Variants in STK38 observed in about 807,000 individuals in gnomAD.
STK38 encodes the protein serine/threonine-protein kinase 38.
In STK38, 26 loss-of-function variants were observed where a neutral mutation model predicts 59.0. That is an observed-to-expected ratio of 0.44 (90% CI 0.32 to 0.61). The LOEUF (loss-of-function observed/expected upper bound fraction) is 0.61, where lower values mean the gene tolerates loss of function less well. Ranked by LOEUF, STK38 falls within the 20% of genes least tolerant of loss-of-function variation. STK38 has a pLI of 0.04. For missense variants in STK38, 433 were observed against 566.0 expected (o/e 0.76, Z 2.38); for synonymous variants, 175 against 176.6 (o/e 0.99, Z 0.07).
chr6:36,540,866 G>A (rs1028248997), intron 1 of STK38, among the ~76,000 whole-genome samples: 2 of 150,544 alleles, frequency 1.3e-5, no homozygotes, highest in African/African-American at 2.4e-5. Flanking sequence ...GAGCCACCGC[G>A]CCTGGCCCAC....
At position 36,494,260 on chromosome 6, in the gene STK38, T is replaced by C. The variant is rs554967765; in HGVS notation, c.*1524A>G. ...TTCACTGACAACTGTAACTCTGATA[T>C]TCCATTTTTCTCTTCTGAATGGCTA... On this transcript the variant is annotated 3_prime_UTR_variant, in exon 14 of 14. Coordinates refer to ENST00000229812, the MANE Select transcript of STK38 (RefSeq NM_007271.4). The C allele has an allele frequency of 6.5e-6, 1 of 152,796 alleles. No homozygotes were observed. Among genetic ancestry groups the C allele is most frequent in the Admixed American group, 6.5e-5 (1 of 15,300 alleles). 9.5% of individuals were successfully genotyped at this position (152,796 alleles called of 1,614,324 possible). A position where few individuals can be genotyped will look rare whatever the true frequency, so the allele number is the denominator to read the frequency against.
chr6:36,542,754 T>A (rs1458106493), intron 1 of STK38, among the ~76,000 whole-genome samples: 1 of 152,068 alleles, frequency 6.6e-6, no homozygotes, highest in African/African-American at 2.4e-5. Flanking sequence ...GAGACTAGCC[T>A]GACCAACAGA....
chr6:36,497,208 A>G (rs1776725500), intron 12 of STK38, among the ~76,000 whole-genome samples: 2 of 152,226 alleles, frequency 1.3e-5, no homozygotes, highest in African/African-American at 2.4e-5. Flanking sequence ...AAAAATCACA[A>G]GCAGCAAATC....
intron 2 of STK38, among the ~76,000 whole-genome samples, chr6:36,530,878 C>T (rs1352910341): frequency 6.7e-6 from 1 of 150,174 alleles, no homozygotes; most frequent in Non-Finnish European, 1.5e-5. Context: ...TTAGTAGACA[C>T]GGGGTTTCAT....
chr6:36,525,470 C>A, intron 3 of STK38, 121 bp downstream of exon 3: 1 of 779,852 alleles, frequency 1.3e-6, no homozygotes, highest in South Asian at 1.7e-5. Flanking sequence ...GCACACTACC[C>A]CTCAAGTTCC....
chr6:36,532,065 A>C (rs1175089487), intron 2 of STK38, among the ~76,000 whole-genome samples: 1 of 152,160 alleles, frequency 6.6e-6, no homozygotes, highest in Admixed American at 6.5e-5. Context: ...ATCATATATT[A>C]TCTCTTCATT....
intron 13 of STK38, among the ~76,000 whole-genome samples, chr6:36,496,337 T>C (rs371522706): frequency 1.3e-5 from 2 of 152,292 alleles, no homozygotes; most frequent in East Asian, 1.9e-4. Flanking sequence ...CCACCGCGCC[T>C]GGCCTCACTC....
intron 6 of STK38, among the ~76,000 whole-genome samples, chr6:36,516,963 A>G (rs1028137157): frequency 1.8e-4 from 27 of 152,206 alleles, no homozygotes; most frequent in Admixed American, 9.8e-4. Context: ...TCATTCTACC[A>G]GACTCTTTTC....
At chr6:36,523,711 C>A (rs1275405410) in intron 4 of STK38, among the ~76,000 whole-genome samples, 1 of 152,224 alleles carries the variant, frequency 6.6e-6, no homozygotes, top group Non-Finnish European at 1.5e-5. Flanking sequence ...TGTGCCCAAG[C>A]AGGATCATTT....
At chr6:36,506,381 C>T (rs1434330507) in intron 9 of STK38, among the ~76,000 whole-genome samples, 1 of 152,168 alleles carries the variant, frequency 6.6e-6, no homozygotes, top group African/African-American at 2.4e-5. Flanking sequence ...GAAAATGTCA[C>T]AATCAAAACA....
intron 2 of STK38, among the ~76,000 whole-genome samples, chr6:36,526,705 G>A (rs1229105833): frequency 6.6e-6 from 1 of 152,034 alleles, no homozygotes. Context: ...GACCAGACTG[G>A]CCAACATGGT....
At chr6:36,523,609 A>T (rs546631782) in intron 4 of STK38, among the ~76,000 whole-genome samples, 2 of 152,098 alleles carry the variant, frequency 1.3e-5, no homozygotes, top group Non-Finnish European at 2.9e-5. Context: ...ACTTGCAATT[A>T]TTGCGTCAGT....
At chr6:36,502,472 T>C (rs937555776) in intron 9 of STK38, among the ~76,000 whole-genome samples, 11 of 152,214 alleles carry the variant, frequency 7.2e-5, no homozygotes, top group Non-Finnish European at 1.5e-4. Flanking sequence ...AGGAATTCTT[T>C]ATGAATTCAG....
At chr6:36,505,896 C>T in intron 9 of STK38, among the ~76,000 whole-genome samples, 1 of 152,174 alleles carries the variant, frequency 6.6e-6, no homozygotes, top group South Asian at 2.1e-4. Flanking sequence ...CACTGAACTT[C>T]AAACATGAAC....
chr6:36,540,137 C>A lies in STK38; in HGVS notation c.66G>T (p.Met22Ile). The A allele has an allele frequency of 6.2e-7, 1 of 1,614,064 alleles. No individual in the cohort carries two copies. Among genetic ancestry groups the A allele is most frequent in the Non-Finnish European group, 8.5e-7 (1 of 1,179,992 alleles). The change falls in exon 2 of 14, where the codon ATG becomes ATT. Residue 22 changes from methionine (M) to isoleucine (I), a missense_variant. Physicochemically the swap from Met to Ile is conservative, Grantham distance 10. Coordinates refer to ENST00000229812, the MANE Select transcript of STK38 (RefSeq NM_007271.4). Reference sequence around the variant, plus strand: ...AAAAATTCTCCAGTGTCACTTTGGTCATTGTCACCCTTTCCTTTGTGTGGT... The same window carrying A: ...AAAAATTCTCCAGTGTCACTTTGGTAATTGTCACCCTTTCCTTTGTGTGGT... ...MSNHTKERVT[M>I]TKVTLENFYS...
In STK38 at chr6:36,525,748, G is replaced by A. The variant is rs1777495709; in HGVS notation, c.132-106C>T. On this transcript the variant is annotated intron_variant, in intron 2 of 13. Coordinates refer to ENST00000229812, the MANE Select transcript of STK38 (RefSeq NM_007271.4). ...AGATTTTTAAAAATGACACAAACAG[G>A]TAAATCTCAAAATGTCTCATTAAAA... 5 of 834,846 alleles carry A rather than the reference G, an allele frequency of 6.0e-6. No individual in the cohort carries two copies. The South Asian group carries it at 7.1e-5, about 12-fold the overall frequency. 51.7% of individuals were successfully genotyped at this position (834,846 alleles called of 1,614,324 possible).
chr6:36,508,699 C>T (rs181228023), intron 7 of STK38, among the ~76,000 whole-genome samples: 18 of 152,204 alleles, frequency 1.2e-4, no homozygotes, highest in African/African-American at 3.4e-4. Context: ...GCTACCAGCG[C>T]GGATCCCAAG....
At position 36,495,843 on chromosome 6, in the gene STK38, G is replaced by A. The variant is rs535837576; in HGVS notation, c.1339C>T (p.Arg447Cys). 36 of 1,613,982 alleles carry A rather than the reference G, an allele frequency of 2.2e-5. No homozygotes were observed. The highest frequency in any genetic ancestry group is 1.4e-4 in the South Asian group (13 of 91,072). The change falls in exon 14 of 14, where the codon CGC (arginine) becomes TGC (cysteine). Residue 447 changes from arginine to cysteine, a missense_variant. Arg to Cys is a radical substitution (Grantham distance 180). Coordinates refer to ENST00000229812, the MANE Select transcript of STK38 (RefSeq NM_007271.4). ...CCCCTTGCAGTCAGGCCCTCAAAGC[G>A]CTTGTACGTGTAATTGATGAAGACC... ...DWVFINYTYK[R>C]FEGLTARGAI...
chr6:36,536,661 G>T (rs1777799820), intron 2 of STK38, among the ~76,000 whole-genome samples: 1 of 151,988 alleles, frequency 6.6e-6, no homozygotes, highest in South Asian at 2.1e-4. Context: ...AGCCTCCCGA[G>T]TAGCTGAGAT....
Sources: allele counts gnomAD v4.1 joint callset (sites outside exome capture counted in the v4.1 genomes callset), GRCh38; gene constraint gnomAD v4.1.1; transcripts MANE v1.5; gene names NCBI Gene and HGNC (gene_info 2026-07-23, HGNC 2026-07-21).